TAFA1: variants seen among roughly 807,000 people sequenced by gnomAD.
The protein encoded by TAFA1 is chemokine-like protein TAFA-1.
A neutral mutation model predicts 18.5 loss-of-function variants in TAFA1; 4 were observed. The ratio of observed to expected loss-of-function variants is 0.22; its 90% CI spans 0.11 to 0.49. The LOEUF is 0.49. TAFA1 is among the 20% of genes least tolerant of loss of function. TAFA1 has a pLI of 0.98. For missense variants in TAFA1, 147 were observed against 169.0 expected, an observed-to-expected ratio of 0.87 and a Z score of 0.72; for synonymous variants, 56 against 55.2, an observed-to-expected ratio of 1.01 and a Z score of -0.06.
chr3:68,228,857 C>A (rs187018307), intron 2 of TAFA1, among the ~76,000 whole-genome samples: 1 of 152,254 alleles, frequency 6.6e-6, no homozygotes, highest in Admixed American at 6.5e-5. Flanking sequence ...CTATATTGAG[C>A]CCTTGCTCAA....
chr3:68,023,056 G>T (rs1242574568), intron 2 of TAFA1, among the ~76,000 whole-genome samples: 1 of 150,878 alleles, frequency 6.6e-6, no homozygotes, highest in Non-Finnish European at 1.5e-5. Context: ...TTAGTAAGTG[G>T]TAAAGCCAGT....
intron 2 of TAFA1, among the ~76,000 whole-genome samples, chr3:68,339,987 G>A (rs1361605158): frequency 6.6e-6 from 1 of 152,182 alleles, no homozygotes; most frequent in Non-Finnish European, 1.5e-5. Context: ...TTCCACCAAG[G>A]AGTTTCCTAT....
chr3:68,408,050 A>G (rs1040325575), intron 2 of TAFA1, among the ~76,000 whole-genome samples: 3 of 152,132 alleles, frequency 2.0e-5, no homozygotes, highest in Non-Finnish European at 4.4e-5. Flanking sequence ...ATCCACTATG[A>G]TGAATTCCAA....
chr3:68,204,281 T>C (rs954908104), intron 2 of TAFA1, among the ~76,000 whole-genome samples: 14 of 151,846 alleles, frequency 9.2e-5, no homozygotes, highest in African/African-American at 3.4e-4. Flanking sequence ...CAGAAGTTCC[T>C]TTCTATTTTT....
chr3:68,038,961 C>T (rs1302944795), intron 2 of TAFA1, among the ~76,000 whole-genome samples: 1 of 152,144 alleles, frequency 6.6e-6, no homozygotes, highest in Non-Finnish European at 1.5e-5. Flanking sequence ...CCCATATCTG[C>T]ATTTTAACTC....
intron 2 of TAFA1, among the ~76,000 whole-genome samples, chr3:68,102,325 G>C (rs1016384218): frequency 6.6e-6 from 1 of 152,044 alleles, no homozygotes; most frequent in African/African-American, 2.4e-5. Context: ...GATTTAAAAG[G>C]CTACTTTTTT....
intron 3 of TAFA1, among the ~76,000 whole-genome samples, chr3:68,497,355 G>A (rs1305490471): frequency 2.0e-5 from 3 of 152,110 alleles, no homozygotes; most frequent in African/African-American, 7.2e-5. Flanking sequence ...TGGCAAGGCT[G>A]GTAGGAAGAT....
intron 2 of TAFA1, among the ~76,000 whole-genome samples, chr3:68,128,817 C>T (rs2065503400): frequency 6.6e-6 from 1 of 152,090 alleles, no homozygotes; most frequent in African/African-American, 2.4e-5. Flanking sequence ...TGAGTGCTTC[C>T]AGGAAACAAA....
chr3:68,449,876 G>A (rs1199259345), intron 3 of TAFA1, among the ~76,000 whole-genome samples: 1 of 152,200 alleles, frequency 6.6e-6, no homozygotes, highest in Non-Finnish European at 1.5e-5. Flanking sequence ...AGGTCTACAT[G>A]CTTCAAGAAA....
intron 3 of TAFA1, among the ~76,000 whole-genome samples, chr3:68,480,318 G>A (rs549620203): frequency 3.3e-5 from 5 of 152,038 alleles, no homozygotes; most frequent in South Asian, 2.1e-4. Flanking sequence ...CAGGAGAATC[G>A]CTTGAACCTG....
intron 2 of TAFA1, among the ~76,000 whole-genome samples, chr3:68,098,723 A>G (rs1246621790): frequency 6.6e-6 from 1 of 152,152 alleles, no homozygotes; most frequent in African/African-American, 2.4e-5. Context: ...CAAAAAGAAC[A>G]AGGAGGTATC....
intron 2 of TAFA1, among the ~76,000 whole-genome samples, chr3:68,136,857 T>G (rs1397511061): frequency 6.6e-6 from 1 of 152,236 alleles, no homozygotes; most frequent in African/African-American, 2.4e-5. Context: ...TAATCTGTAT[T>G]GCAGTTGATA....
intron 2 of TAFA1, among the ~76,000 whole-genome samples, chr3:68,380,501 C>G (rs1291856384): frequency 1.3e-5 from 2 of 152,160 alleles, no homozygotes; most frequent in Non-Finnish European, 2.9e-5. Flanking sequence ...TTTTGATTTG[C>G]ATTTCTCTGA....
chr3:68,104,216 T>C (rs1182506911), intron 2 of TAFA1, among the ~76,000 whole-genome samples: 3 of 152,208 alleles, frequency 2.0e-5, no homozygotes, highest in African/African-American at 7.2e-5. Context: ...AATATGGGTC[T>C]ATTGTGTTTA....
At chr3:68,141,498 A>G (rs2065666587) in intron 2 of TAFA1, among the ~76,000 whole-genome samples, 1 of 152,182 alleles carries the variant, frequency 6.6e-6, no homozygotes, top group African/African-American at 2.4e-5. Context: ...CTCTCCTTTT[A>G]TTGATAACTC....
intron 2 of TAFA1, among the ~76,000 whole-genome samples, chr3:68,313,412 G>A (rs1227707012): frequency 6.6e-6 from 1 of 152,018 alleles, no homozygotes; most frequent in Non-Finnish European, 1.5e-5. Context: ...CCATGTCCAA[G>A]CATAATGATC....
chr3:68,038,854 G>A (rs1290561545), intron 2 of TAFA1, among the ~76,000 whole-genome samples: 2 of 152,072 alleles, frequency 1.3e-5, no homozygotes, highest in Admixed American at 1.3e-4. Context: ...CTCTCATCTT[G>A]TTTACAATGC....
intron 2 of TAFA1, among the ~76,000 whole-genome samples, chr3:68,023,795 A>G (rs1276353611): frequency 6.6e-6 from 1 of 152,220 alleles, no homozygotes; most frequent in Admixed American, 6.5e-5. Context: ...TTATTTACAT[A>G]TAGCTGACTT....
chr3:68,075,974 GGCATTA>G (rs753229446), intron 2 of TAFA1, among the ~76,000 whole-genome samples: 2 of 152,172 alleles, frequency 1.3e-5, no homozygotes, highest in African/African-American at 2.4e-5. Flanking sequence ...TGGGATTACA[GGCATTA>G]GCCTCTGTGC....
Sources: allele counts gnomAD v4.1 joint callset (sites outside exome capture counted in the v4.1 genomes callset), GRCh38; gene constraint gnomAD v4.1.1; transcripts MANE v1.5; gene names NCBI Gene and HGNC (gene_info 2026-07-23, HGNC 2026-07-21).